Variants in COL1A1 observed in about 807,000 individuals in gnomAD.
The protein encoded by COL1A1 is collagen type I alpha 1 chain.
A neutral mutation model predicts 195.7 loss-of-function variants in COL1A1; 21 were observed. The observed-to-expected ratio is 0.11, with a 90% CI of 0.08 to 0.15. COL1A1 has a LOEUF of 0.15. Ranked by LOEUF, COL1A1 falls within the 10% of genes least tolerant of loss-of-function variation. The pLI, the probability that COL1A1 is intolerant of heterozygous loss-of-function variation, is 1.00. For missense variants in COL1A1, 1,365 were observed against 2,051.0 expected, an observed-to-expected ratio of 0.67 and a Z score of 6.46; for synonymous variants, 749 against 747.3, an observed-to-expected ratio of 1.00 and a Z score of -0.04.
Position 50,191,960 on chromosome 17 carries a change from A to C in COL1A1, c.2028+20T>G. 5 of 1,611,938 alleles carry C rather than the reference A, an allele frequency of 3.1e-6. No individual in the cohort carries two copies. The highest frequency in any genetic ancestry group is 4.2e-6 in the Non-Finnish European group (5 of 1,179,252). Reference sequence around the variant, plus strand: ...AAGTACGACGCACCTTGACGGATGCAGCGAGAGAGGCCTACTTACTCTTGC... The same window carrying C: ...AAGTACGACGCACCTTGACGGATGCCGCGAGAGAGGCCTACTTACTCTTGC... On this transcript the variant is annotated intron_variant, in intron 30 of 50. Transcript: ENST00000225964.
Position 50,199,261 on chromosome 17 carries a change from G to T in COL1A1, c.436C>A (p.Pro146Thr), listed in dbSNP as rs756846639. 45 of 1,499,432 alleles carry T rather than the reference G, an allele frequency of 3.0e-5. No homozygotes were observed. Among genetic ancestry groups the T allele is most frequent in the East Asian group, 1.2e-4 (5 of 40,424 alleles). 92.9% of individuals were successfully genotyped at this position (1,499,432 alleles called of 1,614,324 possible). Residue 146 changes from proline (P) to threonine (T), a missense_variant, in exon 5 of 51, where the codon CCC (proline) becomes ACC (threonine). By Grantham distance (38) the Pro-to-Thr change is conservative. Transcript: ENST00000225964. ...CCAGGGGGTCCGGGAGGTCCGGGGG[G>T]TCCGGGGGGTCCGGGAAGTCCAGGC... is the stretch of plus-strand genomic sequence containing the variant. ...GQPGLPGPPG[P>T]PGPPGPPGLG...
Position 50,190,149 on chromosome 17 carries a change from A to C in COL1A1, c.2452-41T>G. On this transcript the variant is annotated intron_variant, in intron 35 of 50. Coordinates refer to ENST00000225964, the MANE Select transcript of COL1A1 (RefSeq NM_000088.4). The surrounding 1 kb of genome is among the most constrained non-coding windows in gnomAD (Gnocchi z 4.7). ...GGGCGGTGAATGGAGGGAAGGAGGCAGGAGTTTCCACTACCTGGGGGAGGA... is the reference window on the plus strand; with the variant it reads ...GGGCGGTGAATGGAGGGAAGGAGGCCGGAGTTTCCACTACCTGGGGGAGGA... The C allele has an allele frequency of 6.5e-7, 1 of 1,549,134 alleles. No homozygotes were observed. The highest frequency in any genetic ancestry group is 8.9e-7 in the Non-Finnish European group (1 of 1,121,132).
chr17:50,195,012 G>A lies in COL1A1; in HGVS notation c.1353+35C>T, dbSNP rs1168782557. On this transcript the variant is annotated intron_variant, in intron 20 of 50. Coordinates refer to ENST00000225964, the MANE Select transcript of COL1A1 (RefSeq NM_000088.4). This position sits in a 1 kb window ranked among gnomAD's most constrained non-coding sequence, Gnocchi z 4.3. ...CTCAGGGGGCTCCTAGGGCAGGGTG[G>A]GCTGGGCTGCAAGAAGGATGGCGGG... 1 of 1,608,996 alleles carries A rather than the reference G, an allele frequency of 6.2e-7. No homozygotes were observed. The highest frequency in any genetic ancestry group is 8.5e-7 in the Non-Finnish European group (1 of 1,176,148).
chr17:50,186,104 G>A lies in COL1A1; in HGVS notation c.4006-84C>T. ...CTGGCCTCCCTGTCCAGGGTCCTCA[G>A]AGAGCTGCCCAATGCACCGTTATAT... On this transcript the variant is annotated intron_variant, in intron 49 of 50. Transcript: ENST00000225964. This position sits in a 1 kb window ranked among gnomAD's most constrained non-coding sequence, Gnocchi z 5.3. 11 of 1,588,238 alleles carry A rather than the reference G, an allele frequency of 6.9e-6. No individual in the cohort carries two copies. The highest frequency in any genetic ancestry group is 8.5e-6 in the Non-Finnish European group (10 of 1,171,764).
In COL1A1 at chr17:50,190,227, C is replaced by A. The variant is rs1906958056; in HGVS notation, c.2451+100G>T. ...GGTGGGAAACAATCCCGTCTCCACC[C>A]TTCTCCCCTGAGGATGGCTGACGCC... On this transcript the variant is annotated intron_variant, in intron 35 of 50. Coordinates refer to ENST00000225964, the MANE Select transcript of COL1A1 (RefSeq NM_000088.4). The surrounding 1 kb of genome is among the most constrained non-coding windows in gnomAD (Gnocchi z 4.7). 1 of 1,251,124 alleles carries A rather than the reference C, an allele frequency of 8.0e-7. No homozygotes were observed. The allele number at this position is 1,251,124 out of a possible 1,614,324, so 77.5% of individuals were successfully genotyped here.
rs989738246 is a variant in COL1A1 at position 50,184,881 on chromosome 17, C to T, written c.*621G>A. The T allele has an allele frequency of 1.3e-5, 3 of 230,034 alleles. No homozygotes were observed. Among genetic ancestry groups the T allele is most frequent in the African/African-American group, 6.7e-5 (3 of 45,108 alleles). The allele number at this position is 230,034 out of a possible 1,614,324, so 14.2% of individuals were successfully genotyped here. A position where few individuals can be genotyped will look rare whatever the true frequency, so the allele number is the denominator to read the frequency against. On this transcript the variant is annotated 3_prime_UTR_variant, in exon 51 of 51. Coordinates refer to ENST00000225964, the MANE Select transcript of COL1A1 (RefSeq NM_000088.4). ...GGCTGGTGGCTCCCCCGGCATGACC[C>T]CCTCAAAAACGAAGGGGAGATGTTG...
Position 50,195,436 on chromosome 17 carries a change from T to A in COL1A1, c.1198A>T (p.Asn400Tyr), listed in dbSNP as rs899929983. ...CTGAAGCCTGGCAGGATACTTACATTGGCACCTTTAGCACCAGGCTGTCCA... is the reference window on the plus strand; with the variant it reads ...CTGAAGCCTGGCAGGATACTTACATAGGCACCTTTAGCACCAGGCTGTCCA... ...ADGQPGAKGANGAPGIAGAPG... is the reference protein window; with the variant it reads ...ADGQPGAKGAYGAPGIAGAPG... Residue 400 changes from asparagine to tyrosine, a missense_variant and splice_region_variant, in exon 18 of 51, where the codon AAT becomes TAT. Asn to Tyr is a moderately radical substitution (Grantham distance 143). Transcript: ENST00000225964. The surrounding 1 kb of genome is among the most constrained non-coding windows in gnomAD (Gnocchi z 4.3). 6.2e-7 allele frequency: 1 copy of A among 1,614,048 alleles called. No homozygotes were observed. Among genetic ancestry groups the A allele is most frequent in the Non-Finnish European group, 8.5e-7 (1 of 1,179,986 alleles).
intron 1 of COL1A1, 54 bp downstream of exon 1, chr17:50,201,357 A>C (rs1851383988): frequency 6.4e-7 from 1 of 1,558,152 alleles, no homozygotes; most frequent in Non-Finnish European, 8.8e-7. Flanking sequence ...CCCCGGGACC[A>C]AGCGCAAGGC....
At chr17:50,198,732 T>C in intron 5 of COL1A1, 2 of 570,662 alleles carry the variant, frequency 3.5e-6, no homozygotes, top group Non-Finnish European at 6.3e-6. Flanking sequence ...AAACTCCCAG[T>C]GCCACTAAAG....
intron 5 of COL1A1, 51 bp downstream of exon 5, chr17:50,199,175 A>G: frequency 7.0e-7 from 1 of 1,429,124 alleles, no homozygotes; most frequent in East Asian, 2.5e-5. Flanking sequence ...CATCTGCCAA[A>G]AAACAAAAAC....
In COL1A1 at chr17:50,186,467, A is replaced by G. The variant is rs1598285068; in HGVS notation, c.3855T>C (p.Asp1285=). 2 of 1,614,154 alleles carry G rather than the reference A, an allele frequency of 1.2e-6. No individual in the cohort carries two copies. The highest frequency in any genetic ancestry group is 1.7e-6 in the Non-Finnish European group (2 of 1,180,038). The change falls in exon 49 of 51, where the codon GAT becomes GAC. Residue 1285 remains aspartate (D), a synonymous_variant. Coordinates refer to ENST00000225964, the MANE Select transcript of COL1A1 (RefSeq NM_000088.4). This position sits in a 1 kb window ranked among gnomAD's most constrained non-coding sequence, Gnocchi z 5.3. ...WIDPNQGCNL[D]AIKVFCNMET... is the part of the protein sequence containing the mutation. ...CCATGTTGCAGAAGACTTTGATGGC[A>G]TCCAGGTTGCAGCCTTGGTTGGGGT...
At position 50,184,296 on chromosome 17, in the gene COL1A1, A is replaced by T; in HGVS notation, c.*1206T>A. On this transcript the variant is annotated 3_prime_UTR_variant, in exon 51 of 51. Coordinates refer to ENST00000225964, the MANE Select transcript of COL1A1 (RefSeq NM_000088.4). ...CAGGACAGACTAGGAGGGAGCCGGG[A>T]GGATGGGCTGCAGCTGTGGAGGAGG... is the stretch of plus-strand genomic sequence containing the variant. The T allele has an allele frequency of 4.3e-6, 1 of 231,460 alleles. No individual in the cohort carries two copies. The highest frequency in any genetic ancestry group is 8.6e-6 in the Non-Finnish European group (1 of 116,698). 14.3% of individuals were successfully genotyped at this position (231,460 alleles called of 1,614,324 possible).
In COL1A1 at chr17:50,186,185, C is replaced by T; in HGVS notation, c.4005+132G>A. On this transcript the variant is annotated intron_variant, in intron 49 of 50. Coordinates refer to ENST00000225964, the MANE Select transcript of COL1A1 (RefSeq NM_000088.4). The surrounding 1 kb of genome is among the most constrained non-coding windows in gnomAD (Gnocchi z 5.3). ...CCTGTGTCTGAACCACTATCAGGGA[C>T]CTGAGACCCCTGCCTCCCAGCCCAG... The T allele has an allele frequency of 6.7e-7, 1 of 1,502,130 alleles. No homozygotes were observed. The highest frequency in any genetic ancestry group is 2.3e-5 in the East Asian group (1 of 43,742). The allele number at this position is 1,502,130 out of a possible 1,614,324, so 93.1% of individuals were successfully genotyped here.
chr17:50,200,249 C>A (rs1362274689), intron 1 of COL1A1: 2 of 459,206 alleles, frequency 4.4e-6, no homozygotes, highest in Non-Finnish European at 8.1e-6. Context: ...AAATAAAAAC[C>A]ACAGGGTGAG....
chr17:50,194,251 A>G lies in COL1A1; in HGVS notation c.1615-68T>C. ...TGATGGAGGTGGGGGAGGACTCCAG[A>G]GGGCAGACCCTTGGGCCTGATCCAG... On this transcript the variant is annotated intron_variant, in intron 23 of 50. Coordinates refer to ENST00000225964, the MANE Select transcript of COL1A1 (RefSeq NM_000088.4). This position sits in a 1 kb window ranked among gnomAD's most constrained non-coding sequence, Gnocchi z 6.8. The G allele has an allele frequency of 1.3e-6, 2 of 1,590,706 alleles. No homozygotes were observed. Among genetic ancestry groups the G allele is most frequent in the Non-Finnish European group, 1.7e-6 (2 of 1,159,942 alleles).
chr17:50,193,404 A>G (rs993837967), intron 25 of COL1A1: 6 of 401,844 alleles, frequency 1.5e-5, no homozygotes, highest in Non-Finnish European at 2.7e-5. Flanking sequence ...GTGGAGGGCC[A>G]CCAACAACAC....
Position 50,198,490 on chromosome 17 carries a change from C to T in COL1A1, c.486G>A (p.Gln162=), listed in dbSNP as rs1043807582. Residue 162 remains glutamine, a synonymous_variant, in exon 6 of 51, where the codon CAG becomes CAA. Transcript: ENST00000225964. Reference sequence around the variant, plus strand: ...ATTTCTCATCATAGCCATAAGACAGCTGGGGAGCAAAGTTCTAGAACAAAC... The same window carrying T: ...ATTTCTCATCATAGCCATAAGACAGTTGGGGAGCAAAGTTCTAGAACAAAC... ...PPGLGGNFAP[Q]LSYGYDEKST... 3.1e-6 allele frequency: 5 copies of T among 1,612,900 alleles called. No homozygotes were observed. The highest frequency in any genetic ancestry group is 4.2e-6 in the Non-Finnish European group (5 of 1,179,560).
chr17:50,193,348 G>C (rs887887063), intron 25 of COL1A1: 2 of 513,188 alleles, frequency 3.9e-6, no homozygotes, highest in African/African-American at 3.8e-5. Flanking sequence ...ACCAAGACTG[G>C]GGGTGCCTAT....
Position 50,190,198 on chromosome 17 carries a change from C to T in COL1A1, c.2452-90G>A. 1 of 1,303,050 alleles carries T rather than the reference C, an allele frequency of 7.7e-7. No individual in the cohort carries two copies. Among genetic ancestry groups the T allele is most frequent in the South Asian group, 1.2e-5 (1 of 84,368 alleles). The allele number at this position is 1,303,050 out of a possible 1,614,324, so 80.7% of individuals were successfully genotyped here. A position where few individuals can be genotyped will look rare whatever the true frequency, so the allele number is the denominator to read the frequency against. On this transcript the variant is annotated intron_variant, in intron 35 of 50. Transcript: ENST00000225964. This position sits in a 1 kb window ranked among gnomAD's most constrained non-coding sequence, Gnocchi z 4.7. ...GAGCAGTAATGGAGGCAGGAAGATG[C>T]TTGGGTGGGAAACAATCCCGTCTCC...
Sources: allele counts gnomAD v4.1 joint callset, GRCh38; gene constraint gnomAD v4.1.1; non-coding constraint Gnocchi (gnomAD v3.1); transcripts MANE v1.5; gene names NCBI Gene and HGNC (gene_info 2026-07-23, HGNC 2026-07-21).